ESPN: variants seen among roughly 807,000 people sequenced by gnomAD.
ESPN encodes espin, also known as autosomal recessive deafness type 36 protein.
ESPN carries 68 observed loss-of-function variants against 77.7 expected under a neutral mutation model. The observed-to-expected ratio is 0.87, with a 90% CI of 0.72 to 1.07. ESPN has a LOEUF of 1.07. Ranked by LOEUF, ESPN falls within the 50% of genes least tolerant of loss-of-function variation. The pLI, the probability that ESPN is intolerant of heterozygous loss-of-function variation, is 0.00. For synonymous variants in ESPN, 449 were observed against 567.1 expected (o/e 0.79, Z 2.96); for missense variants, 1,060 against 1,239.0 (o/e 0.86, Z 2.17).
chr1:6,449,886 C>A (rs955370021), intron 8 of ESPN, among the ~76,000 whole-genome samples: 8 of 152,158 alleles, frequency 5.3e-5, no homozygotes, highest in South Asian at 2.1e-4. Context: ...GGGTGTCTTC[C>A]TCACCCAGCC....
rs1557692886 is a variant in ESPN at position 6,428,356 on chromosome 1, T to C, written c.425T>C (p.Ile142Thr). The change falls in exon 2 of 13, where the codon ATC becomes ACC. Residue 142 changes from isoleucine to threonine, a missense_variant. Ile to Thr is a moderately conservative substitution (Grantham distance 89). Transcript: ENST00000645284. The surrounding 1 kb of genome is among the most constrained non-coding windows in gnomAD (Gnocchi z 5.4). ...TAATDMGALP[I>T]HYAAAKGDFP... ...GCCACAGACATGGGCGCCCTGCCTA[T>C]CCACTACGCTGCCGCCAAAGGAGAC... is the stretch of plus-strand genomic sequence containing the variant. 1.2e-6 allele frequency: 2 copies of C among 1,613,012 alleles called. No individual in the cohort carries two copies. Among genetic ancestry groups the C allele is most frequent in the Non-Finnish European group, 1.7e-6 (2 of 1,179,888 alleles).
chr1:6,445,264 C>CA (rs1179817371), intron 6 of ESPN, among the ~76,000 whole-genome samples: 13 of 152,268 alleles, frequency 8.5e-5, no homozygotes, highest in African/African-American at 3.1e-4. Flanking sequence ...GTGCCCTGAG[C>CA]ATGGGCGTCC....
chr1:6,457,467 T>A, intron 12 of ESPN, 95 bp downstream of exon 12: 1 of 1,469,188 alleles, frequency 6.8e-7, no homozygotes, highest in South Asian at 1.1e-5. Context: ...TACATCCTCC[T>A]GTCTCTTGGC....
chr1:6,456,418 A>G, intron 10 of ESPN: 1 of 347,948 alleles, frequency 2.9e-6, no homozygotes, highest in African/African-American at 2.1e-5. Flanking sequence ...AGAACAGACC[A>G]GGTGTCCGCC....
chr1:6,436,708 T>C (rs577973554), intron 2 of ESPN, among the ~76,000 whole-genome samples: 71 of 152,218 alleles, frequency 4.7e-4, no homozygotes, highest in Admixed American at 7.2e-4. Context: ...GGTCTCTCTA[T>C]GTTGCCCAGG....
Position 6,428,420 on chromosome 1 carries a change from G to T in ESPN, c.488+1G>T. The T allele has an allele frequency of 6.2e-7, 1 of 1,608,654 alleles. No homozygotes were observed. Among genetic ancestry groups the T allele is most frequent in the Non-Finnish European group, 8.5e-7 (1 of 1,176,598 alleles). On this transcript the variant is annotated splice_donor_variant, in intron 2 of 12. Transcript: ENST00000645284. LOFTEE classifies it high-confidence loss of function. This position sits in a 1 kb window ranked among gnomAD's most constrained non-coding sequence, Gnocchi z 5.4. ...GGCTTCTCGTCGAGCACTACCCTGA[G>T]TAAGATCACCCCTCTTAAGGGGTCC...
In ESPN at chr1:6,440,606, T is replaced by TTC; in HGVS notation, c.676-20_676-19insTC. ...CTGGCGCCCAGCCCCCGCCCCCCTCTCCCCGCCCGTCCCGCCCAGGTGAGC... is the reference window on the plus strand; with the variant it reads ...CTGGCGCCCAGCCCCCGCCCCCCTCTTCCCCCGCCCGTCCCGCCCAGGTGAGC... On this transcript the variant is annotated intron_variant, in intron 3 of 12. Coordinates refer to ENST00000645284, the MANE Select transcript of ESPN (RefSeq NM_031475.3). 9.2e-6 allele frequency: 8 copies of TTC among 870,464 alleles called. No homozygotes were observed. Among genetic ancestry groups the TTC allele is most frequent in the South Asian group, 1.5e-5 (1 of 68,272 alleles). 53.9% of individuals were successfully genotyped at this position (870,464 alleles called of 1,614,324 possible).
At chr1:6,433,778 A>C (rs61780709) in intron 2 of ESPN, among the ~76,000 whole-genome samples, 28,520 of 151,892 alleles carry the variant, frequency 0.19, 3,885 homozygotes, top group African/African-American at 0.38. Context: ...GATCAGAGAT[A>C]CCCGCCTGCA....
intron 12 of ESPN, among the ~76,000 whole-genome samples, chr1:6,458,262 C>T (rs941698914): frequency 3.3e-5 from 5 of 152,128 alleles, no homozygotes; most frequent in Non-Finnish European, 5.9e-5. Flanking sequence ...AAGCGATCCA[C>T]CCGCCTCGGC....
rs1399633263 is a variant in ESPN at position 6,457,181 on chromosome 1, C to CAGGAGG, written c.2336_2341dup. ...GCCCTGAAGCTTTGTGGTTGTGTTT[C>CAGGAGG]AGGAGGAGGAGGAGGAGGCCCGGCT... On this transcript the variant is annotated splice_region_variant and splice_polypyrimidine_tract_variant and intron_variant, in intron 10 of 12. Coordinates refer to ENST00000645284, the MANE Select transcript of ESPN (RefSeq NM_031475.3). 1.9e-6 allele frequency: 3 copies of CAGGAGG among 1,594,268 alleles called. No individual in the cohort carries two copies. Among genetic ancestry groups the CAGGAGG allele is most frequent in the Non-Finnish European group, 2.6e-6 (3 of 1,170,092 alleles).
chr1:6,451,984 C>A lies in ESPN; in HGVS notation c.2213C>A (p.Ala738Asp). The change falls in exon 10 of 13, where the codon GCT (alanine) becomes GAT (aspartate). Residue 738 changes from alanine (A) to aspartate (D), a missense_variant. Coordinates refer to ENST00000645284, the MANE Select transcript of ESPN (RefSeq NM_031475.3). The surrounding 1 kb of genome is among the most constrained non-coding windows in gnomAD (Gnocchi z 4.3). ...PAPGVQLDVE[A>D]LIPTHDEQGR... ...CCGGGAGTGCAGCTGGACGTGGAGG[C>A]TCTCATCCCCACGCACGATGAGCAG... The A allele has an allele frequency of 1.2e-6, 2 of 1,608,936 alleles. No individual in the cohort carries two copies. Among genetic ancestry groups the A allele is most frequent in the South Asian group, 2.2e-5 (2 of 90,096 alleles).
chr1:6,455,182 A>T, intron 10 of ESPN: 1 of 388,452 alleles, frequency 2.6e-6, no homozygotes, highest in East Asian at 3.7e-5. Flanking sequence ...CAGGATCGCC[A>T]GGCGGCGCTG....
At chr1:6,446,040 C>T in intron 7 of ESPN, 105 bp downstream of exon 7, 1 of 1,188,270 alleles carries the variant, frequency 8.4e-7, no homozygotes, top group South Asian at 1.3e-5. Flanking sequence ...GGGTGGGGAT[C>T]CCTGGGTCCA....
At chr1:6,440,906 GCCGGGT>G in intron 4 of ESPN, 22 bp from the exon 5 acceptor site, 1 of 1,548,290 alleles carries the variant, frequency 6.5e-7, no homozygotes, top group Non-Finnish European at 8.7e-7. Flanking sequence ...CGCGGCCGCG[GCCGGGT>G]CCTCACTGCG....
At chr1:6,442,626 T>G (rs1318152823) in intron 5 of ESPN, among the ~76,000 whole-genome samples, 1 of 148,902 alleles carries the variant, frequency 6.7e-6, no homozygotes, top group Non-Finnish European at 1.5e-5. Context: ...TCCTAGCACT[T>G]TGGGAGGCTG....
intron 7 of ESPN, chr1:6,448,428 C>T: frequency 1.9e-6 from 1 of 526,574 alleles, no homozygotes; most frequent in Non-Finnish European, 3.3e-6. Context: ...GAACCCCTCC[C>T]TGTAAGGCGG....
At chr1:6,453,183 C>T (rs1483050954) in intron 10 of ESPN, among the ~76,000 whole-genome samples, 3 of 152,226 alleles carry the variant, frequency 2.0e-5, no homozygotes, top group African/African-American at 7.2e-5. Context: ...CGTGAGCCAC[C>T]ACGCCTGGCC....
At chr1:6,440,466 CA>C in intron 3 of ESPN, 26 bp downstream of exon 3, 1 of 1,496,992 alleles carries the variant, frequency 6.7e-7, no homozygotes, top group South Asian at 1.2e-5. Context: ...GGGCGGGGAG[CA>C]GGGGAGGCGG....
Position 6,441,051 on chromosome 1 carries a change from A to T in ESPN, c.976A>T (p.Thr326Ser). 2 of 1,611,282 alleles carry T rather than the reference A, an allele frequency of 1.2e-6. No individual in the cohort carries two copies. The highest frequency in any genetic ancestry group is 1.7e-5 in the Admixed American group (1 of 59,836). The change falls in exon 5 of 13, where the codon ACG (threonine) becomes TCG (serine). Residue 326 changes from threonine to serine, a missense_variant. By Grantham distance (58) the Thr-to-Ser change is moderately conservative (BLOSUM62 1). Transcript: ENST00000645284. ...GHSHCTRYLRTVENLSVEHRV... is the reference protein window; with the variant it reads ...GHSHCTRYLRSVENLSVEHRV... The stretch of plus-strand genomic sequence containing the variant: ...CAGCCACTGCACCCGCTACCTGCGC[A>T]CGGTGGAGAACCTGGTACGATCCCT...
Sources: allele counts gnomAD v4.1 joint callset (sites outside exome capture counted in the v4.1 genomes callset), GRCh38; gene constraint gnomAD v4.1.1; non-coding constraint Gnocchi (gnomAD v3.1); transcripts MANE v1.5; gene names NCBI Gene and HGNC (gene_info 2026-07-23, HGNC 2026-07-21).